The following NUTM1 variants were observed in gnomAD, a reference collection of about 807,000 sequenced individuals.
NUTM1 encodes NUT family member 1.
Under a neutral mutation model 88.7 loss-of-function variants are expected in NUTM1, and 39 were observed. That is an observed-to-expected ratio of 0.44 (90% CI 0.34 to 0.57). The LOEUF (loss-of-function observed/expected upper bound fraction) is 0.57. NUTM1 is among the 20% of genes least tolerant of loss of function. NUTM1 has a pLI of 0.01. For missense variants in NUTM1, 1,350 were observed against 1,414.5 expected (o/e 0.95, Z 0.73); for synonymous variants, 494 against 538.0 (o/e 0.92, Z 1.13).
In NUTM1 at chr15:34,355,710, C is replaced by A. The variant is rs1232139737; in HGVS notation, c.1702C>A (p.Gln568Lys). Residue 568 changes from glutamine to lysine, a missense_variant, in exon 8 of 8, where the codon CAG (glutamine) becomes AAG (lysine). Transcript: ENST00000537011. This position sits in a 1 kb window ranked among gnomAD's most constrained non-coding sequence, Gnocchi z 4.3. The part of the protein sequence containing the change: ...GKRAREVHGG[Q>K]EQALDSPRGM... ...ACGGGCAAGAGAAGTGCATGGTGGG[C>A]AGGAGCAAGCCCTAGATAGCCCCAG... The A allele has an allele frequency of 1.9e-6, 3 of 1,610,570 alleles. No individual in the cohort carries two copies. Among genetic ancestry groups the A allele is most frequent in the African/African-American group, 1.3e-5 (1 of 74,804 alleles).
intron 4 of NUTM1, among the ~76,000 whole-genome samples, chr15:34,351,809 A>G (rs1307198693): frequency 4.0e-5 from 6 of 151,410 alleles, no homozygotes; most frequent in Admixed American, 4.0e-4. Flanking sequence ...GGGGAAAGCC[A>G]GTGTCCTGGA....
Position 34,357,733 on chromosome 15 carries a change from T to C in NUTM1, c.*242T>C, listed in dbSNP as rs1350164650. On this transcript the variant is annotated 3_prime_UTR_variant, in exon 8 of 8. Transcript: ENST00000537011. ...ATGAATAAAGTGTTTTGTTGGAAAA[T>C]GCTCTCAGAGTGCCCTTTTTCTGTA... The C allele has an allele frequency of 4.5e-6, 3 of 670,750 alleles. No individual in the cohort carries two copies. The highest frequency in any genetic ancestry group is 1.8e-5 in the African/African-American group (1 of 56,126). 41.5% of individuals were successfully genotyped at this position (670,750 alleles called of 1,614,324 possible). A position where few individuals can be genotyped will look rare whatever the true frequency, so the allele number is the denominator to read the frequency against.
intron 2 of NUTM1, among the ~76,000 whole-genome samples, chr15:34,347,650 G>A (rs935916486): frequency 4.6e-5 from 7 of 152,052 alleles, no homozygotes; most frequent in African/African-American, 1.2e-4. Flanking sequence ...TCAGGAGATC[G>A]AGACCAACCT....
chr15:34,346,814 C>T (rs383086), intron 2 of NUTM1, among the ~76,000 whole-genome samples: 54,953 of 129,332 alleles, frequency 0.42, 13,328 homozygotes, highest in Non-Finnish European at 0.55. Context: ...ACCCAGGAGG[C>T]GGAGGTTGCA....
In NUTM1 at chr15:34,354,625, A is replaced by T; in HGVS notation, c.1255A>T (p.Lys419Ter). 2 of 1,614,174 alleles carry T rather than the reference A, an allele frequency of 1.2e-6. No homozygotes were observed. The highest frequency in any genetic ancestry group is 1.7e-6 in the Non-Finnish European group (2 of 1,180,026). The part of the protein sequence containing the change: ...THLATGESDG[K>*]QEEEGQQQEE... ...CTTGGCCACTGGGGAGTCAGATGGAAAACAAGAGGAAGAAGGGCAGCAGCA... is the reference window on the plus strand; with the variant it reads ...CTTGGCCACTGGGGAGTCAGATGGATAACAAGAGGAAGAAGGGCAGCAGCA... The change falls in exon 6 of 8, where the codon AAA becomes TAA. Residue 419 changes from lysine (K) to a stop codon, truncating the protein, a stop_gained. Coordinates refer to ENST00000537011, the MANE Select transcript of NUTM1 (RefSeq NM_001284292.2). LOFTEE classifies it high-confidence loss of function.
In NUTM1 at chr15:34,355,387, G is replaced by T; in HGVS notation, c.1480-101G>T. 3 of 1,173,104 alleles carry T rather than the reference G, an allele frequency of 2.6e-6. No individual in the cohort carries two copies. The highest frequency in any genetic ancestry group is 3.7e-6 in the Non-Finnish European group (3 of 805,902). The allele number at this position is 1,173,104 out of a possible 1,614,324, so 72.7% of individuals were successfully genotyped here. ...TTTGCTACCATCGCTTAAACTACTT[G>T]CTTGCCTTCCTTGCCCTGCCCAAAT... On this transcript the variant is annotated intron_variant, in intron 7 of 7. Coordinates refer to ENST00000537011, the MANE Select transcript of NUTM1 (RefSeq NM_001284292.2). The surrounding 1 kb of genome is among the most constrained non-coding windows in gnomAD (Gnocchi z 4.3).
chr15:34,355,062 G>T lies in NUTM1; in HGVS notation c.1404G>T (p.Leu468=). ...ACCCTCAATTTCTGGCAGATCTGCT[G>T]TCCCCAGAAAAACAGAGAGATCCCT... The part of the protein sequence containing the change: ...VIHPQFLADL[L]SPEKQRDPLA... The change falls in exon 7 of 8, where the codon CTG becomes CTT. Residue 468 remains leucine, a synonymous_variant. Coordinates refer to ENST00000537011, the MANE Select transcript of NUTM1 (RefSeq NM_001284292.2). The surrounding 1 kb of genome is among the most constrained non-coding windows in gnomAD (Gnocchi z 4.3). 6.2e-7 allele frequency: 1 copy of T among 1,614,042 alleles called. No individual in the cohort carries two copies. The highest frequency in any genetic ancestry group is 8.5e-7 in the Non-Finnish European group (1 of 1,179,934).
intron 4 of NUTM1, among the ~76,000 whole-genome samples, chr15:34,351,729 A>C (rs1890712966): frequency 6.6e-6 from 1 of 152,180 alleles, no homozygotes; most frequent in Non-Finnish European, 1.5e-5. Flanking sequence ...CCACTCCTCC[A>C]TTGGAAATAG....
chr15:34,352,674 C>G (rs1443597075), intron 4 of NUTM1, among the ~76,000 whole-genome samples: 4 of 146,960 alleles, frequency 2.7e-5, no homozygotes, highest in Non-Finnish European at 4.5e-5. Context: ...GGCGTGGTGG[C>G]ACGCACCTGT....
rs1890843810 is a variant in NUTM1, at chr15:34,357,537, G to T, written c.*46G>T. 6.2e-7 allele frequency: 1 copy of T among 1,611,030 alleles called. No homozygotes were observed. The highest frequency in any genetic ancestry group is 8.5e-7 in the Non-Finnish European group (1 of 1,179,972). ...CCCCACTTGCCAGTCCCTAAAGGTG[G>T]GTGCCCCAGAGTAGATTCCACCCCT... On this transcript the variant is annotated 3_prime_UTR_variant, in exon 8 of 8. Coordinates refer to ENST00000537011, the MANE Select transcript of NUTM1 (RefSeq NM_001284292.2).
At chr15:34,349,434 TA>T (rs1890667271) in intron 3 of NUTM1, among the ~76,000 whole-genome samples, 2 of 152,186 alleles carry the variant, frequency 1.3e-5, no homozygotes, top group Non-Finnish European at 2.9e-5. Flanking sequence ...ATTATTATCC[TA>T]AAAAGGCCAT....
intron 1 of NUTM1, 91 bp from the exon 2 acceptor site, chr15:34,345,851 C>A: frequency 6.6e-7 from 1 of 1,518,770 alleles, no homozygotes. Context: ...CCCTCCCCCA[C>A]AGCAGAATGC....
In NUTM1 at chr15:34,343,714, A is replaced by T; in HGVS notation, c.6+12A>T. 7 of 1,533,604 alleles carry T rather than the reference A, an allele frequency of 4.6e-6. No individual in the cohort carries two copies. The highest frequency in any genetic ancestry group is 6.1e-6 in the Non-Finnish European group (7 of 1,145,016). The allele number at this position is 1,533,604 out of a possible 1,614,324, so 95.0% of individuals were successfully genotyped here. A position where few individuals can be genotyped will look rare whatever the true frequency, so the allele number is the denominator to read the frequency against. On this transcript the variant is annotated intron_variant, in intron 1 of 7. Transcript: ENST00000537011. ...TCTTTCTTATGGTGGTGAGTAGCTA[A>T]TAATAACGTAATAAAGTGCACCTTC...
In NUTM1 at chr15:34,355,577, T is replaced by C; in HGVS notation, c.1569T>C (p.Pro523=). The change falls in exon 8 of 8, where the codon CCT becomes CCC. Residue 523 remains proline (P), a synonymous_variant. Coordinates refer to ENST00000537011, the MANE Select transcript of NUTM1 (RefSeq NM_001284292.2). This position sits in a 1 kb window ranked among gnomAD's most constrained non-coding sequence, Gnocchi z 4.3. ...GTGGCGCTCAGTTGGACTCAAGTCC[T>C]TCTGGTTCTGTTGAGGATGAAGATG... The part of the protein sequence containing the change: ...SFSGAQLDSS[P]SGSVEDEDGD... 6.2e-7 allele frequency: 1 copy of C among 1,614,204 alleles called. No homozygotes were observed.
At chr15:34,344,387 C>T (rs1253974845) in intron 1 of NUTM1, among the ~76,000 whole-genome samples, 2 of 151,344 alleles carry the variant, frequency 1.3e-5, no homozygotes, top group African/African-American at 2.4e-5. Flanking sequence ...CCTGTAGTCC[C>T]AGCTACTCGG....
rs373216708 is a variant in NUTM1, at chr15:34,348,360, A to G, written c.492A>G (p.Ala164=). The G allele has an allele frequency of 9.9e-6, 16 of 1,614,124 alleles. No individual in the cohort carries two copies. The highest frequency in any genetic ancestry group is 1.3e-5 in the Non-Finnish European group (15 of 1,180,050). The part of the protein sequence containing the change: ...LEGPAPPFVT[A]SNVKTILPSK... ...GTCCTGCACCTCCATTTGTGACAGC[A>G]TCTAATGTGAAGACCATTCTGCCCT... The change falls in exon 3 of 8, where the codon GCA becomes GCG. Residue 164 remains alanine (A), a synonymous_variant. Transcript: ENST00000537011.
At chr15:34,345,853 G>A in intron 1 of NUTM1, 89 bp from the exon 2 acceptor site, 6 of 1,521,750 alleles carry the variant, frequency 3.9e-6, no homozygotes, top group Non-Finnish European at 4.4e-6. Flanking sequence ...CTCCCCCACA[G>A]CAGAATGCCT....
In NUTM1 at chr15:34,348,082, G is replaced by A. The variant is rs1595609020; in HGVS notation, c.214G>A (p.Glu72Lys). ...TSDPPDHPPR[E>K]PPPQPIMPSV... ...TGACCCACCAGACCACCCACCCAGGGAGCCACCTCCACAGCCCATCATGCC... is the reference window on the plus strand; with the variant it reads ...TGACCCACCAGACCACCCACCCAGGAAGCCACCTCCACAGCCCATCATGCC... Residue 72 changes from glutamate to lysine, a missense_variant, in exon 3 of 8, where the codon GAG becomes AAG. Glu to Lys is a moderately conservative substitution (Grantham distance 56). This residue lies in a region of NUTM1 where 399 missense variants were observed against 397.9 expected (regional missense o/e 1.00). Transcript: ENST00000537011. The A allele has an allele frequency of 1.2e-6, 2 of 1,613,986 alleles. No homozygotes were observed. Among genetic ancestry groups the A allele is most frequent in the East Asian group, 2.2e-5 (1 of 44,856 alleles).
At chr15:34,346,361 T>C (rs1380877505) in intron 2 of NUTM1, among the ~76,000 whole-genome samples, 2 of 151,728 alleles carry the variant, frequency 1.3e-5, no homozygotes, top group South Asian at 4.2e-4. Flanking sequence ...GTCTTAGGAC[T>C]GGCACAGAGA....
Sources: allele counts gnomAD v4.1 joint callset (sites outside exome capture counted in the v4.1 genomes callset), GRCh38; gene constraint gnomAD v4.1.1; regional missense constraint gnomAD v4.1.1; non-coding constraint Gnocchi (gnomAD v3.1); transcripts MANE v1.5; gene names NCBI Gene and HGNC (gene_info 2026-07-23, HGNC 2026-07-21).